The following SCN2A variants were observed in gnomAD, a reference collection of about 807,000 sequenced individuals.
SCN2A encodes the protein sodium voltage-gated channel alpha subunit 2.
SCN2A carries 20 observed loss-of-function variants against 188.7 expected under a neutral mutation model. The observed-to-expected ratio is 0.11, with a 90% confidence interval of 0.07 to 0.15. The LOEUF is 0.15. Ranked by LOEUF, SCN2A falls within the 10% of genes least tolerant of loss-of-function variation. The pLI, the probability that SCN2A is intolerant of heterozygous loss-of-function variation, is 1.00. For synonymous variants in SCN2A, 804 were observed against 833.1 expected, an observed-to-expected ratio of 0.97 and a Z score of 0.60; for missense variants, 1,278 against 2,445.0, an observed-to-expected ratio of 0.52 and a Z score of 10.07.
chr2:165,274,850 G>A (rs1218029586), intron 1 of SCN2A, among the ~76,000 whole-genome samples: 1 of 152,190 alleles, frequency 6.6e-6, no homozygotes. Flanking sequence ...GGCAGCCCGG[G>A]CTTGGCTATC....
At chr2:165,379,643 TAACTA>T (rs912605728) in intron 23 of SCN2A, among the ~76,000 whole-genome samples, 11 of 151,950 alleles carry the variant, frequency 7.2e-5, no homozygotes, top group Non-Finnish European at 7.4e-5. Flanking sequence ...ACATCACTGT[TAACTA>T]AACTCACATA....
chr2:165,340,982 A>C (rs890876309), intron 14 of SCN2A, among the ~76,000 whole-genome samples: 1 of 152,228 alleles, frequency 6.6e-6, no homozygotes, highest in Non-Finnish European at 1.5e-5. Flanking sequence ...ACAAGTATGC[A>C]ATCTTCGAAA....
rs1174499780 is a variant in SCN2A at position 165,313,718 on chromosome 2, T to G, written c.1133T>G (p.Phe378Cys). ...TTTAGTTGGGCCTTTTTGTCCTTAT[T>G]TCGTCTCATGACTCAAGACTTCTGG... Reference protein sequence around the residue: ...DTFSWAFLSLFRLMTQDFWEN... With the variant: ...DTFSWAFLSLCRLMTQDFWEN... The change falls in exon 9 of 27, where the codon TTT (phenylalanine) becomes TGT (cysteine). Residue 378 changes from phenylalanine to cysteine, a missense_variant. Transcript: ENST00000375437. 6.2e-7 allele frequency: 1 copy of G among 1,613,738 alleles called. No homozygotes were observed.
rs142422351 is a variant in SCN2A, at chr2:165,316,954, A to T, written c.1671+1196A>T. The stretch of plus-strand genomic sequence containing the variant: ...AATTTTGCCTGGTACTGAAAACCTT[A>T]AAGTTTCCACTTTATCAAGTTGCCT... On this transcript the variant is annotated intron_variant, in intron 11 of 26. Transcript: ENST00000375437. Among the ~76,000 whole-genome samples the T allele has an allele frequency of 5.3e-3, 814 of 152,292 alleles. 8 individuals are homozygous for T. Among genetic ancestry groups the T allele is most frequent in the African/African-American group, 0.019 (780 of 41,570 alleles).
At chr2:165,328,538 G>A (rs1201852602) in intron 13 of SCN2A, 18 of 983,606 alleles carry the variant, frequency 1.8e-5, no homozygotes, top group African/African-American at 3.5e-5. Context: ...AAGGAGACAG[G>A]GTAAGTCTAA....
intron 18 of SCN2A, 56 bp downstream of exon 18, chr2:165,365,319 T>A: frequency 6.3e-7 from 1 of 1,599,012 alleles, no homozygotes; most frequent in Non-Finnish European, 8.6e-7. Flanking sequence ...ACCCATTTTT[T>A]CCTATTTATT....
intron 12 of SCN2A, 132 bp downstream of exon 12, chr2:165,323,632 T>A: frequency 1.2e-6 from 1 of 831,688 alleles, no homozygotes; most frequent in Non-Finnish European, 1.9e-6. Context: ...TCAATCAAGC[T>A]GTTAACTGTC....
At chr2:165,376,948 G>A (rs1482094103) in intron 22 of SCN2A, among the ~76,000 whole-genome samples, 1 of 151,928 alleles carries the variant, frequency 6.6e-6, no homozygotes, top group Non-Finnish European at 1.5e-5. Flanking sequence ...AAGGGGAAGA[G>A]CCTGTGGCAC....
chr2:165,270,085 G>A (rs550799836), intron 1 of SCN2A: 1 of 152,118 alleles, frequency 6.6e-6, no homozygotes, highest in East Asian at 1.9e-4. Flanking sequence ...CATGCTTAAT[G>A]TTATCCCTCT....
chr2:165,314,281 C>T (rs1196381478), intron 10 of SCN2A, among the ~76,000 whole-genome samples, 173 bp downstream of exon 10: 2 of 152,070 alleles, frequency 1.3e-5, no homozygotes, highest in Admixed American at 6.6e-5. Context: ...TGATCTCTGT[C>T]AATAGTGTCA....
At chr2:165,246,228 A>G (rs568758992) in intron 1 of SCN2A, among the ~76,000 whole-genome samples, 29 of 152,342 alleles carry the variant, frequency 1.9e-4, no homozygotes, top group Admixed American at 9.8e-4. Context: ...ATAGGAATTT[A>G]GCTCCAAGAA....
intron 1 of SCN2A, chr2:165,269,926 C>T (rs927358035): frequency 2.6e-5 from 4 of 151,792 alleles, no homozygotes; most frequent in African/African-American, 4.8e-5. Flanking sequence ...TTATTCTTTC[C>T]TGAATTTTTC....
rs148036577 is a variant in SCN2A at position 165,290,857 on chromosome 2, G to A, written c.-51-4916G>A. The A allele has an allele frequency of 1.3e-3, 1,034 of 820,000 alleles. 7 individuals are homozygous for A. In the Middle Eastern group the frequency reaches 0.016, roughly 12 times the overall value. The allele number at this position is 820,000 out of a possible 1,614,324, so 50.8% of individuals were successfully genotyped here. Reference sequence around the variant, plus strand: ...AAGATATACCATATGTATATATCCCGATATTGATAATGTTACTTTCCAAAA... The same window carrying A: ...AAGATATACCATATGTATATATCCCAATATTGATAATGTTACTTTCCAAAA... On this transcript the variant is annotated intron_variant, in intron 1 of 26. Coordinates refer to ENST00000375437, the MANE Select transcript of SCN2A (RefSeq NM_001040142.2).
intron 1 of SCN2A, among the ~76,000 whole-genome samples, chr2:165,280,316 C>A (rs1695529036): frequency 6.6e-6 from 1 of 152,146 alleles, no homozygotes; most frequent in Non-Finnish European, 1.5e-5. Flanking sequence ...TTGTCCTAAG[C>A]ACTAGCGATA....
At chr2:165,370,100 A>C (rs937194839) in intron 19 of SCN2A, 26 bp from the exon 20 acceptor site, 6 of 1,601,994 alleles carry the variant, frequency 3.7e-6, no homozygotes. Context: ...TGATCATAAA[A>C]TTTAATAGAA....
chr2:165,268,295 C>A (rs1263369978), intron 1 of SCN2A: 1 of 151,934 alleles, frequency 6.6e-6, no homozygotes, highest in African/African-American at 2.4e-5. Context: ...CAACAAAATT[C>A]TAGCTAAGCA....
At position 165,370,674 on chromosome 2, in the gene SCN2A, G is replaced by A. The variant is rs1283861276; in HGVS notation, c.3849+375G>A. ...CATTAGTATGTTTGTCATCACTAAA[G>A]CCTGTTGAGTTTAGGTCACACAGAT... On this transcript the variant is annotated intron_variant, in intron 20 of 26. Transcript: ENST00000375437. 3 of 232,732 alleles carry A rather than the reference G, an allele frequency of 1.3e-5. No individual in the cohort carries two copies. In the East Asian group the frequency reaches 3.0e-4, roughly 23 times the overall value. 14.4% of individuals were successfully genotyped at this position (232,732 alleles called of 1,614,324 possible). A position where few individuals can be genotyped will look rare whatever the true frequency, so the allele number is the denominator to read the frequency against.
chr2:165,293,899 G>T (rs1478455783), intron 1 of SCN2A: 1 of 981,756 alleles, frequency 1.0e-6, no homozygotes, highest in Non-Finnish European at 1.2e-6. Flanking sequence ...CCGCCCTCTA[G>T]TGGTAGTTAC....
intron 23 of SCN2A, among the ~76,000 whole-genome samples, chr2:165,378,793 A>G (rs1377392046): frequency 1.3e-5 from 2 of 151,888 alleles, no homozygotes; most frequent in African/African-American, 4.8e-5. Flanking sequence ...TTTCCAGCAC[A>G]TTACAAAAGA....
Sources: gnomAD v4.1 joint callset for allele counts (sites outside exome capture counted in the v4.1 genomes callset) on GRCh38, gnomAD v4.1.1 for gene constraint, MANE v1.5 for transcripts, NCBI Gene and HGNC (gene_info 2026-07-23, HGNC 2026-07-21) for gene names.